Variants in IFRD1 observed in about 807,000 individuals in gnomAD.
IFRD1 encodes interferon-related developmental regulator 1.
Under a neutral mutation model 52.9 loss-of-function variants are expected in IFRD1, and 35 were observed. The observed-to-expected ratio is 0.66, with a 90% CI of 0.51 to 0.88. IFRD1 has a LOEUF of 0.88. Ranked by LOEUF, IFRD1 falls within the 40% of genes least tolerant of loss-of-function variation. IFRD1 has a pLI of 0.00. For synonymous variants in IFRD1, 184 were observed against 188.4 expected, an observed-to-expected ratio of 0.98 and a Z score of 0.19; for missense variants, 517 against 550.8, an observed-to-expected ratio of 0.94 and a Z score of 0.61.
At chr7:112,453,122 G>A (rs1283104884) in intron 1 of IFRD1, among the ~76,000 whole-genome samples, 1 of 151,956 alleles carries the variant, frequency 6.6e-6, no homozygotes, top group Non-Finnish European at 1.5e-5. Flanking sequence ...AAAAGAAATG[G>A]GATTCAAATG....
intron 1 of IFRD1, among the ~76,000 whole-genome samples, chr7:112,433,034 A>G (rs1384589429): frequency 6.6e-6 from 1 of 152,170 alleles, no homozygotes. Context: ...ACTGTAAGAC[A>G]TTTCAATTTC....
intron 1 of IFRD1, among the ~76,000 whole-genome samples, chr7:112,424,049 C>G (rs1794377071): frequency 6.6e-6 from 1 of 152,078 alleles, no homozygotes; most frequent in South Asian, 2.1e-4. Flanking sequence ...CAGGTTCTTC[C>G]TTTTAAGGAT....
At chr7:112,447,715 T>C (rs1036084753), upstream of IFRD1, among the ~76,000 whole-genome samples, 1 of 152,232 alleles carries the variant, frequency 6.6e-6, no homozygotes, top group Non-Finnish European at 1.5e-5. Flanking sequence ...TTCTAATTTC[T>C]TTAAACATAT....
chr7:112,434,744 A>G (rs1179433989), intron 1 of IFRD1, among the ~76,000 whole-genome samples: 1 of 152,196 alleles, frequency 6.6e-6, no homozygotes, highest in East Asian at 1.9e-4. Flanking sequence ...GGTTTCAAAG[A>G]CCATCTAAAT....
At chr7:112,449,819 CT>C (rs1215607846), upstream of IFRD1, among the ~76,000 whole-genome samples, 2 of 19,962 alleles carry the variant, frequency 1.0e-4, no homozygotes, top group East Asian at 2.5e-3. Flanking sequence ...GAAAGCATCC[CT>C]TTTTTTGGGG....
At chr7:112,431,006 C>T (rs141709691) in intron 1 of IFRD1, among the ~76,000 whole-genome samples, 36 of 152,328 alleles carry the variant, frequency 2.4e-4, no homozygotes, top group African/African-American at 8.7e-4. Flanking sequence ...TCCTTCTCCT[C>T]CCCTCCCTCC....
Position 112,455,885 on chromosome 7 carries a change from A to G in IFRD1, c.199+18A>G, listed in dbSNP as rs1304276686. ...TGAAGATGGTATGAGTTTTAAATTT[A>G]AATTTGCAACTTTAGATAAAATGTT... is the stretch of plus-strand genomic sequence containing the variant. On this transcript the variant is annotated intron_variant, in intron 2 of 11. Transcript: ENST00000403825. 3 of 1,561,276 alleles carry G rather than the reference A, an allele frequency of 1.9e-6. No individual in the cohort carries two copies. The highest frequency in any genetic ancestry group is 2.7e-6 in the Non-Finnish European group (3 of 1,131,960).
chr7:112,462,919 T>G lies in IFRD1; in HGVS notation c.906+541T>G, dbSNP rs114629865. Reference sequence around the variant, plus strand: ...TACCATGGCTTGGCTCTCGAAGGGATTTGAGTTTGTGATAGTTTGATCAGT... The same window carrying G: ...TACCATGGCTTGGCTCTCGAAGGGAGTTGAGTTTGTGATAGTTTGATCAGT... On this transcript the variant is annotated intron_variant, in intron 8 of 11. Transcript: ENST00000403825. Among the ~76,000 whole-genome samples, 325 of 152,262 alleles carry G rather than the reference T, an allele frequency of 2.1e-3. 1 individual carries two copies. The highest frequency in any genetic ancestry group is 6.9e-3 in the African/African-American group (286 of 41,552).
At chr7:112,446,392 T>A (rs1377855009), upstream of IFRD1, 1 of 158,762 alleles carries the variant, frequency 6.3e-6, no homozygotes, top group African/African-American at 2.4e-5. Flanking sequence ...CAGTAAAAAA[T>A]AATTGAATAT....
intron 1 of IFRD1, among the ~76,000 whole-genome samples, chr7:112,454,584 A>G (rs1007795673): frequency 6.6e-6 from 1 of 152,160 alleles, no homozygotes; most frequent in Non-Finnish European, 1.5e-5. Context: ...CAAATACCAA[A>G]ACTTCTATTT....
chr7:112,448,027 A>G (rs940380748), upstream of IFRD1, among the ~76,000 whole-genome samples: 9 of 151,424 alleles, frequency 5.9e-5, no homozygotes, highest in African/African-American at 2.2e-4. Context: ...TCATTTAACT[A>G]TATATATACT....
intron 1 of IFRD1, among the ~76,000 whole-genome samples, chr7:112,451,414 A>G (rs1795162123): frequency 6.6e-6 from 1 of 152,166 alleles, no homozygotes; most frequent in Non-Finnish European, 1.5e-5. Context: ...GCACCTGCAG[A>G]AGCCCTGAAC....
intron 1 of IFRD1, chr7:112,452,627 C>G (rs1463772889): frequency 5.5e-6 from 1 of 180,860 alleles, no homozygotes. Flanking sequence ...CCTTTAATCC[C>G]GTCTAAAGTT....
At position 112,472,828 on chromosome 7, in the gene IFRD1, G is replaced by T. The variant is rs772739232; in HGVS notation, c.1233G>T (p.Thr411=). 3 of 1,613,240 alleles carry T rather than the reference G, an allele frequency of 1.9e-6. No individual in the cohort carries two copies. The highest frequency in any genetic ancestry group is 2.5e-6 in the Non-Finnish European group (3 of 1,179,222). The change falls in exon 11 of 12, where the codon ACG becomes ACT. Residue 411 remains threonine (T), a synonymous_variant. Coordinates refer to ENST00000403825, the MANE Select transcript of IFRD1 (RefSeq NM_001550.4). ...LGPPVMLDAA[T]LKTMKISRFE... ...CCCCAGTGATGCTTGATGCTGCAACGCTTAAAACGATGAAGATTTCTCGTT... is the reference window on the plus strand; with the variant it reads ...CCCCAGTGATGCTTGATGCTGCAACTCTTAAAACGATGAAGATTTCTCGTT...
intron 9 of IFRD1, among the ~76,000 whole-genome samples, chr7:112,471,013 C>T (rs1795731229): frequency 1.3e-5 from 2 of 152,078 alleles, no homozygotes; most frequent in East Asian, 1.9e-4. Context: ...TGTCTGTTAC[C>T]AACAGGAAAG....
In IFRD1 at chr7:112,456,012, C is replaced by A; in HGVS notation, c.210C>A (p.Val70=). 1 of 1,600,912 alleles carries A rather than the reference C, an allele frequency of 6.2e-7. No individual in the cohort carries two copies. The highest frequency in any genetic ancestry group is 8.6e-7 in the Non-Finnish European group (1 of 1,168,216). The change falls in exon 3 of 12, where the codon GTC becomes GTA. Residue 70 remains valine, a synonymous_variant. Coordinates refer to ENST00000403825, the MANE Select transcript of IFRD1 (RefSeq NM_001550.4). The part of the protein sequence containing the change: ...PSSFAEDGPE[V]LDEEGTQEDL... ...TATATTATTTCTTAGGACCAGAAGTCCTTGATGAGGAAGGAACTCAAGAAG... is the reference window on the plus strand; with the variant it reads ...TATATTATTTCTTAGGACCAGAAGTACTTGATGAGGAAGGAACTCAAGAAG...
chr7:112,458,948 T>C lies in IFRD1; in HGVS notation c.497T>C (p.Leu166Ser). Reference protein sequence around the residue: ...LGPGIESEEILKTLGPILKKI... With the variant: ...LGPGIESEEISKTLGPILKKI... ...CCTGGAATTGAAAGTGAAGAGATTT[T>C]GAAAACTCTTGGACCAATCCTAAAG... is the stretch of plus-strand genomic sequence containing the variant. Residue 166 changes from leucine to serine, a missense_variant, in exon 5 of 12, where the codon TTG becomes TCG. Leu to Ser is a moderately radical substitution (Grantham distance 145, BLOSUM62 -2). Coordinates refer to ENST00000403825, the MANE Select transcript of IFRD1 (RefSeq NM_001550.4). The C allele has an allele frequency of 1.9e-6, 3 of 1,613,758 alleles. No homozygotes were observed. The highest frequency in any genetic ancestry group is 2.5e-6 in the Non-Finnish European group (3 of 1,179,700).
rs1455245693 is a variant in IFRD1, at chr7:112,472,374, G to C, written c.1170+27G>C. The C allele has an allele frequency of 2.5e-6, 4 of 1,613,574 alleles. No individual in the cohort carries two copies. The South Asian group carries it at 4.4e-5, about 18-fold the overall frequency. ...TAAGTGTCATCCTTTCTACATATTT[G>C]CTTTTAAAGTAGGGAGCAGTCTTGA... On this transcript the variant is annotated intron_variant, in intron 10 of 11. Coordinates refer to ENST00000403825, the MANE Select transcript of IFRD1 (RefSeq NM_001550.4).
chr7:112,461,821 G>C (rs1469784013), intron 5 of IFRD1, 45 bp from the exon 6 acceptor site: 1 of 1,034,040 alleles, frequency 9.7e-7, no homozygotes, highest in Non-Finnish European at 1.4e-6. Flanking sequence ...GAATTAATAA[G>C]AAATAAAATC....
Sources: allele counts gnomAD v4.1 joint callset (sites outside exome capture counted in the v4.1 genomes callset), GRCh38; gene constraint gnomAD v4.1.1; transcripts MANE v1.5; gene names NCBI Gene and HGNC (gene_info 2026-07-23, HGNC 2026-07-21).